Variants in EIF4G3 observed in about 807,000 individuals in gnomAD.
EIF4G3 encodes the protein eIF-4-gamma 3.
Under a neutral mutation model 186.4 loss-of-function variants are expected in EIF4G3, and 34 were observed. The observed-to-expected ratio is 0.18, with a 90% CI of 0.14 to 0.24. EIF4G3 has a LOEUF of 0.24. EIF4G3 is among the 10% of genes least tolerant of loss of function. The pLI is 1.00. For synonymous variants in EIF4G3, 673 were observed against 679.5 expected (o/e 0.99, Z 0.15); for missense variants, 1,536 against 1,948.5 (o/e 0.79, Z 3.99).
intron 14 of EIF4G3, among the ~76,000 whole-genome samples, chr1:20,937,438 A>G (rs556499865): frequency 5.3e-5 from 8 of 152,334 alleles, no homozygotes; most frequent in African/African-American, 1.9e-4. Flanking sequence ...AAGTAAACAC[A>G]AATCTGCTTT....
At chr1:20,899,547 A>G in intron 16 of EIF4G3, 150 bp downstream of exon 16, 1 of 925,338 alleles carries the variant, frequency 1.1e-6, no homozygotes, top group Non-Finnish European at 1.6e-6. Context: ...TTTGCTAGTC[A>G]CTAACTTGGG....
In EIF4G3 at chr1:20,810,587, C is replaced by T; in HGVS notation, c.4744+151G>A. On this transcript the variant is annotated intron_variant, in intron 36 of 36. Transcript: ENST00000602326. The surrounding 1 kb of genome is among the most constrained non-coding windows in gnomAD (Gnocchi z 4.1). The stretch of plus-strand genomic sequence containing the variant: ...ATAGGCGCAAGCCACTGCACCCGGC[C>T]AAATTCAAATTTATTAAAGTTAGTT... 1 of 984,416 alleles carries T rather than the reference C, an allele frequency of 1.0e-6. No individual in the cohort carries two copies. Among genetic ancestry groups the T allele is most frequent in the Non-Finnish European group, 1.5e-6 (1 of 680,936 alleles). The allele number at this position is 984,416 out of a possible 1,614,324, so 61.0% of individuals were successfully genotyped here. A position where few individuals can be genotyped will look rare whatever the true frequency, so the allele number is the denominator to read the frequency against.
chr1:20,925,912 T>C (rs1240492313), intron 14 of EIF4G3, among the ~76,000 whole-genome samples: 1 of 152,208 alleles, frequency 6.6e-6, no homozygotes, highest in African/African-American at 2.4e-5. Flanking sequence ...TGGCAGAAAC[T>C]TGGAGAGAGG....
chr1:20,965,200 A>G (rs1481349582), intron 12 of EIF4G3, among the ~76,000 whole-genome samples: 34 of 152,194 alleles, frequency 2.2e-4, no homozygotes, highest in Admixed American at 2.2e-3. Context: ...AAACCTCAAG[A>G]CCAAATTAGA....
chr1:20,922,596 A>G (rs1292497490), intron 14 of EIF4G3, among the ~76,000 whole-genome samples: 2 of 152,184 alleles, frequency 1.3e-5, no homozygotes, highest in African/African-American at 4.8e-5. Context: ...CACGTCCAGC[A>G]TTCAAGGTCT....
chr1:20,916,201 C>G (rs2093846266), intron 14 of EIF4G3, among the ~76,000 whole-genome samples: 2 of 152,034 alleles, frequency 1.3e-5, no homozygotes, highest in African/African-American at 4.8e-5. Flanking sequence ...TAAAAAATGC[C>G]TCTGGGAGGC....
chr1:20,841,111 T>C (rs2068424318), intron 29 of EIF4G3, 83 bp from the exon 30 acceptor site: 6 of 1,398,130 alleles, frequency 4.3e-6, no homozygotes, highest in Non-Finnish European at 4.9e-6. Context: ...ATCTTTTACT[T>C]ACAACAGAAT....
chr1:21,068,542 G>A (rs1274675186), intron 3 of EIF4G3, among the ~76,000 whole-genome samples: 3 of 152,032 alleles, frequency 2.0e-5, no homozygotes, highest in Non-Finnish European at 4.4e-5. Context: ...TTAGCACAGT[G>A]TCTGGGACAC....
At chr1:20,807,572 TAATG>T (rs1370701657) in intron 36 of EIF4G3, 72 bp from the exon 37 acceptor site, 1 of 1,294,438 alleles carries the variant, frequency 7.7e-7, no homozygotes. Flanking sequence ...TATTTCAAAA[TAATG>T]AATGACTGAA....
intron 18 of EIF4G3, among the ~76,000 whole-genome samples, chr1:20,889,786 G>A (rs543726493): frequency 2.2e-4 from 33 of 152,046 alleles, no homozygotes; most frequent in African/African-American, 7.7e-4. Context: ...CACCACGCCC[G>A]GCCCATAATT....
chr1:20,913,705 G>A (rs2093524305), intron 14 of EIF4G3, among the ~76,000 whole-genome samples: 1 of 146,054 alleles, frequency 6.8e-6, no homozygotes, highest in Non-Finnish European at 1.5e-5. Flanking sequence ...TGTTACATTT[G>A]TTTCCTATCT....
intron 3 of EIF4G3, among the ~76,000 whole-genome samples, chr1:21,055,801 ACTAGTAT>A (rs2094536786): frequency 6.6e-6 from 1 of 152,196 alleles, no homozygotes; most frequent in Non-Finnish European, 1.5e-5. Flanking sequence ...AAACCTGTAC[ACTAGTAT>A]CAACAGAAAT....
intron 4 of EIF4G3, among the ~76,000 whole-genome samples, chr1:21,025,767 A>G (rs2091986381): frequency 6.6e-6 from 1 of 152,206 alleles, no homozygotes; most frequent in African/African-American, 2.4e-5. Flanking sequence ...GGAGAGTTTT[A>G]ATGTCAAAGA....
In EIF4G3 at chr1:20,879,535, A is replaced by G. The variant is rs1299917787; in HGVS notation, c.2425-15T>C. On this transcript the variant is annotated splice_polypyrimidine_tract_variant and intron_variant, in intron 19 of 36. Coordinates refer to ENST00000602326, the MANE Select transcript of EIF4G3 (RefSeq NM_001391906.1). ...CTAAAAAGCTCCTAGAAGGGCCACA[A>G]AAAAGAAAAAAGCATTAGAGTAACT... 1 of 1,375,252 alleles carries G rather than the reference A, an allele frequency of 7.3e-7. No homozygotes were observed. The highest frequency in any genetic ancestry group is 2.0e-5 in the South Asian group (1 of 49,416). The allele number at this position is 1,375,252 out of a possible 1,614,324, so 85.2% of individuals were successfully genotyped here. A position where few individuals can be genotyped will look rare whatever the true frequency, so the allele number is the denominator to read the frequency against.
rs116618805 is a variant in EIF4G3 at position 21,028,957 on chromosome 1, G to A, written c.-67+21909C>T. On this transcript the variant is annotated intron_variant, in intron 4 of 36. Coordinates refer to ENST00000602326, the MANE Select transcript of EIF4G3 (RefSeq NM_001391906.1). Reference sequence around the variant, plus strand: ...CGGGAGTTCATGATCACAGCTCATCGTAACCTCTCACTCCTGGATGCCGCA... The same window carrying A: ...CGGGAGTTCATGATCACAGCTCATCATAACCTCTCACTCCTGGATGCCGCA... 2.2e-3 allele frequency among the ~76,000 whole-genome samples: 330 copies of A among 152,232 alleles called. 2 individuals are homozygous for A. Among genetic ancestry groups the A allele is most frequent in the African/African-American group, 7.3e-3 (305 of 41,536 alleles).
chr1:20,814,768 TCC>T (rs2060064300), intron 34 of EIF4G3, among the ~76,000 whole-genome samples: 6 of 12,030 alleles, frequency 5.0e-4, no homozygotes, highest in African/African-American at 1.3e-3. Context: ...CCCCTCCCCC[TCC>T]CCCTCCCCCT....
At position 21,021,352 on chromosome 1, in the gene EIF4G3, A is replaced by G. The variant is rs58948873; in HGVS notation, c.-66-18544T>C. 5.2e-3 allele frequency among the ~76,000 whole-genome samples: 788 copies of G among 152,280 alleles called. 7 individuals are homozygous for G. Among genetic ancestry groups the G allele is most frequent in the African/African-American group, 0.018 (757 of 41,550 alleles). ...AATCTCTGATTAAAGTTTACATGCT[A>G]CAAATGCTGCACCTCTGAGAGCAAG... On this transcript the variant is annotated intron_variant, in intron 4 of 36. Coordinates refer to ENST00000602326, the MANE Select transcript of EIF4G3 (RefSeq NM_001391906.1).
chr1:21,138,706 G>A (rs918958751), intron 2 of EIF4G3, among the ~76,000 whole-genome samples: 2 of 152,006 alleles, frequency 1.3e-5, no homozygotes, highest in Admixed American at 6.6e-5. Context: ...AGCTACTCAG[G>A]TGGCTGAGGC....
At chr1:20,998,670 G>T (rs140209617) in intron 6 of EIF4G3, among the ~76,000 whole-genome samples, 19 of 152,088 alleles carry the variant, frequency 1.2e-4, no homozygotes, top group Middle Eastern at 3.4e-3. Flanking sequence ...AAAATATTGG[G>T]GTATGTAGAG....
Sources: allele counts gnomAD v4.1 joint callset (sites outside exome capture counted in the v4.1 genomes callset), GRCh38; gene constraint gnomAD v4.1.1; non-coding constraint Gnocchi (gnomAD v3.1); transcripts MANE v1.5; gene names NCBI Gene and HGNC (gene_info 2026-07-23, HGNC 2026-07-21).